Variants in MGAT4A observed in about 807,000 individuals in gnomAD.
The protein encoded by MGAT4A is N-acetylglucosaminyltransferase IVa.
In MGAT4A, 33 loss-of-function variants were observed where a neutral mutation model predicts 74.1. The observed-to-expected ratio is 0.45, with a 90% CI of 0.34 to 0.60. The LOEUF (loss-of-function observed/expected upper bound fraction) is 0.60, where lower values mean the gene tolerates loss of function less well. Among genes scored for constraint, MGAT4A ranks in the 20% least tolerant of loss-of-function variants. The pLI is 0.02. For synonymous variants in MGAT4A, 198 were observed against 210.4 expected, an observed-to-expected ratio of 0.94 and a Z score of 0.51; for missense variants, 479 against 628.3, an observed-to-expected ratio of 0.76 and a Z score of 2.54.
rs1006757280 is a variant in MGAT4A at position 98,620,383 on chromosome 2, C to T, written c.*5183G>A. The T allele has an allele frequency of 3.9e-5, 6 of 152,204 alleles. No homozygotes were observed. Among genetic ancestry groups the T allele is most frequent in the African/African-American group, 1.2e-4 (5 of 41,458 alleles). The allele number at this position is 152,204 out of a possible 1,614,324, so 9.4% of individuals were successfully genotyped here. ...TGGACTGGATAAAGTTCCCTTAAAA[C>T]ACTAAGGTATGGTTATGACTCACAT... On this transcript the variant is annotated 3_prime_UTR_variant, in exon 16 of 16. Transcript: ENST00000393487.
rs1332029388 is a variant in MGAT4A, at chr2:98,621,188, C to G, written c.*4378G>C. ...TCTCATAGTTCTGTAGGTCAGAAGT[C>G]CAAGCAGGCTTAAGTGAGTTCTCGG... is the stretch of plus-strand genomic sequence containing the variant. On this transcript the variant is annotated 3_prime_UTR_variant, in exon 16 of 16. Coordinates refer to ENST00000393487, the MANE Select transcript of MGAT4A (RefSeq NM_012214.3). The G allele has an allele frequency of 2.3e-6, 1 of 439,696 alleles. No homozygotes were observed. The highest frequency in any genetic ancestry group is 2.0e-5 in the African/African-American group (1 of 49,424). 27.2% of individuals were successfully genotyped at this position (439,696 alleles called of 1,614,324 possible). A position where few individuals can be genotyped will look rare whatever the true frequency, so the allele number is the denominator to read the frequency against.
chr2:98,631,848 G>A (rs367697956), intron 14 of MGAT4A, among the ~76,000 whole-genome samples: 13 of 150,490 alleles, frequency 8.6e-5, no homozygotes, highest in African/African-American at 2.0e-4. Flanking sequence ...TGGCTGGTGC[G>A]GTGGGTCACG....
At chr2:98,631,871 G>A (rs1701241848) in intron 14 of MGAT4A, among the ~76,000 whole-genome samples, 1 of 151,728 alleles carries the variant, frequency 6.6e-6, no homozygotes, top group Admixed American at 6.6e-5. Context: ...TGTAATCCCA[G>A]CACTTTGGGA....
In MGAT4A at chr2:98,635,276, C is replaced by G. The variant is rs1701302776; in HGVS notation, c.1414G>C (p.Glu472Gln). ...EVLPFKSEGL[E>Q]ISKETKDKRL... Reference sequence around the variant, plus strand: ...TTGTCTTTGGTTTCTTTGCTTATTTCCAAACCTTCACTCTAAAATAAAACA... The same window carrying G: ...TTGTCTTTGGTTTCTTTGCTTATTTGCAAACCTTCACTCTAAAATAAAACA... Residue 472 changes from glutamate to glutamine, a missense_variant, in exon 14 of 16, where the codon GAA (glutamate) becomes CAA (glutamine). Physicochemically the swap from Glu to Gln is conservative, Grantham distance 29. Coordinates refer to ENST00000393487, the MANE Select transcript of MGAT4A (RefSeq NM_012214.3). 4 of 1,607,166 alleles carry G rather than the reference C, an allele frequency of 2.5e-6. No homozygotes were observed. The highest frequency in any genetic ancestry group is 2.6e-6 in the Non-Finnish European group (3 of 1,175,928).
intron 2 of MGAT4A, among the ~76,000 whole-genome samples, chr2:98,704,143 C>A (rs113026133): frequency 6.6e-6 from 1 of 152,172 alleles, no homozygotes; most frequent in Admixed American, 6.5e-5. Flanking sequence ...ACCTAGTACA[C>A]GCTCAATAAA....
At chr2:98,649,617 A>C (rs1467692918) in intron 8 of MGAT4A, among the ~76,000 whole-genome samples, 2 of 152,136 alleles carry the variant, frequency 1.3e-5, no homozygotes, top group Non-Finnish European at 2.9e-5. Context: ...AACTAGGTGG[A>C]GCTCCAGTAC....
At chr2:98,700,135 A>C (rs934828642) in intron 2 of MGAT4A, among the ~76,000 whole-genome samples, 1 of 152,104 alleles carries the variant, frequency 6.6e-6, no homozygotes, top group East Asian at 1.9e-4. Flanking sequence ...ATGGTCCTGC[A>C]CTACCTGCAT....
rs756701673 is a variant in MGAT4A, at chr2:98,645,561, T to G, written c.775-19A>C. On this transcript the variant is annotated intron_variant, in intron 8 of 15. Transcript: ENST00000393487. ...CTTCAAGCTAGAGAAAATTGAACAA[T>G]CATATTAATACATCAAAAAAAGAAA... 1 of 1,495,924 alleles carries G rather than the reference T, an allele frequency of 6.7e-7. No individual in the cohort carries two copies. 92.7% of individuals were successfully genotyped at this position (1,495,924 alleles called of 1,614,324 possible). A position where few individuals can be genotyped will look rare whatever the true frequency, so the allele number is the denominator to read the frequency against.
chr2:98,691,007 C>G (rs1032112377), intron 2 of MGAT4A, among the ~76,000 whole-genome samples: 44 of 152,004 alleles, frequency 2.9e-4, no homozygotes, highest in African/African-American at 1.0e-3. Flanking sequence ...AACAAAAGAT[C>G]TGAGATCTAA....
intron 8 of MGAT4A, among the ~76,000 whole-genome samples, chr2:98,653,057 A>C (rs951233344): frequency 1.3e-5 from 2 of 152,148 alleles, no homozygotes; most frequent in African/African-American, 4.8e-5. Flanking sequence ...TCGCCCCTAA[A>C]CAACCAATGG....
At chr2:98,670,890 C>A (rs1291055575) in intron 4 of MGAT4A, among the ~76,000 whole-genome samples, 1 of 152,188 alleles carries the variant, frequency 6.6e-6, no homozygotes, top group East Asian at 1.9e-4. Context: ...CAGATCTCTC[C>A]TTTGAGTCCC....
intron 12 of MGAT4A, among the ~76,000 whole-genome samples, chr2:98,637,519 A>G (rs1379769903): frequency 2.0e-5 from 3 of 152,172 alleles, no homozygotes; most frequent in Non-Finnish European, 4.4e-5. Context: ...TCTGGGTGTG[A>G]GTATAATACT....
At chr2:98,660,995 G>GA (rs1366767254) in intron 5 of MGAT4A, among the ~76,000 whole-genome samples, 1 of 152,158 alleles carries the variant, frequency 6.6e-6, no homozygotes, top group Non-Finnish European at 1.5e-5. Flanking sequence ...TGGGTTAGGA[G>GA]AAAATATCTG....
At chr2:98,677,958 C>T (rs892231648) in intron 3 of MGAT4A, among the ~76,000 whole-genome samples, 42 of 151,460 alleles carry the variant, frequency 2.8e-4, no homozygotes, top group African/African-American at 1.0e-3. Context: ...CAGCCGGGTG[C>T]AGTGGCTCAC....
At position 98,640,148 on chromosome 2, in the gene MGAT4A, T is replaced by C; in HGVS notation, c.1101A>G (p.Ser367=). Residue 367 remains serine, a synonymous_variant, in exon 11 of 16, where the codon TCA becomes TCG. Transcript: ENST00000393487. ...SLFQHVGLHS[S]LSGKIQKLTD... ...TGAGTTTTTGGATTTTTCCTGATAG[T>C]GATGAGTGCAGACCAACATGTTGGA... 1 of 1,610,774 alleles carries C rather than the reference T, an allele frequency of 6.2e-7. No homozygotes were observed. The highest frequency in any genetic ancestry group is 8.5e-7 in the Non-Finnish European group (1 of 1,178,980).
intron 2 of MGAT4A, among the ~76,000 whole-genome samples, chr2:98,707,287 T>C (rs1702453181): frequency 6.6e-6 from 1 of 152,212 alleles, no homozygotes; most frequent in South Asian, 2.1e-4. Flanking sequence ...TACTTTTCTG[T>C]ATAATTTTTT....
At chr2:98,659,766 A>C (rs1469841117) in intron 5 of MGAT4A, among the ~76,000 whole-genome samples, 2 of 152,100 alleles carry the variant, frequency 1.3e-5, no homozygotes, top group Non-Finnish European at 2.9e-5. Context: ...GCCATGTGGA[A>C]CTGTGAGTCC....
intron 1 of MGAT4A, among the ~76,000 whole-genome samples, chr2:98,729,166 T>TAA (rs1702807727): frequency 7.8e-6 from 1 of 128,374 alleles, no homozygotes; most frequent in African/African-American, 3.7e-5. Context: ...CCCTAATATA[T>TAA]GAAAAAAAAA....
At chr2:98,669,265 G>A (rs1701879065) in intron 4 of MGAT4A, among the ~76,000 whole-genome samples, 1 of 152,146 alleles carries the variant, frequency 6.6e-6, no homozygotes, top group Non-Finnish European at 1.5e-5. Flanking sequence ...ATGGGGGCAA[G>A]TCTTTGCTGT....
Sources: allele counts gnomAD v4.1 joint callset (sites outside exome capture counted in the v4.1 genomes callset), GRCh38; gene constraint gnomAD v4.1.1; transcripts MANE v1.5; gene names NCBI Gene and HGNC (gene_info 2026-07-23, HGNC 2026-07-21).